Variants in PAK4 observed in about 807,000 individuals in gnomAD.
PAK4 encodes the protein p21 (RAC1) activated kinase 4, also known as serine/threonine-protein kinase PAK 4.
PAK4 carries 49 observed loss-of-function variants against 53.5 expected under a neutral mutation model. The observed-to-expected ratio is 0.92, with a 90% CI of 0.73 to 1.16. The LOEUF is 1.16. Ranked by LOEUF, PAK4 falls within the 50% of genes most tolerant of loss-of-function variation. PAK4 has a pLI of 0.00. For missense variants in PAK4, 824 were observed against 850.7 expected, an observed-to-expected ratio of 0.97 and a Z score of 0.39; for synonymous variants, 376 against 375.6, an observed-to-expected ratio of 1.00 and a Z score of -0.01.
At chr19:39,154,878 G>GTC (rs1306818092) in intron 1 of PAK4, among the ~76,000 whole-genome samples, 1 of 152,116 alleles carries the variant, frequency 6.6e-6, no homozygotes, top group Non-Finnish European at 1.5e-5. Context: ...CCCTGCTGTG[G>GTC]TCCAGAGCCT....
In PAK4 at chr19:39,137,295, A is replaced by C. The variant is rs117058772; in HGVS notation, c.-23+11376A>C. Among the ~76,000 whole-genome samples the C allele has an allele frequency of 3.9e-4, 59 of 152,244 alleles. No individual in the cohort carries two copies. The East Asian group carries it at 0.011, about 28-fold the overall frequency. On this transcript the variant is annotated intron_variant, in intron 1 of 8. Transcript: ENST00000358301. The stretch of plus-strand genomic sequence containing the variant: ...ATCTGGGGCACCCCTGCTTGGAGGC[A>C]GGAGAAGGCCTGGTGTGACCTTGGG...
chr19:39,172,098 G>T (rs961852427), intron 2 of PAK4, among the ~76,000 whole-genome samples: 13 of 152,222 alleles, frequency 8.5e-5, no homozygotes, highest in African/African-American at 3.1e-4. Context: ...GAGGCCAGCA[G>T]AAGCCTCACT....
At chr19:39,130,852 G>A (rs1197255458) in intron 1 of PAK4, among the ~76,000 whole-genome samples, 2 of 150,376 alleles carry the variant, frequency 1.3e-5, no homozygotes, top group Non-Finnish European at 3.0e-5. Flanking sequence ...CCCTTATAAA[G>A]ATTGCTCAGG....
intron 1 of PAK4, among the ~76,000 whole-genome samples, chr19:39,164,018 T>A (rs2074327731): frequency 6.6e-6 from 1 of 152,164 alleles, no homozygotes. Flanking sequence ...GGCTCACGCC[T>A]GTAATCCCAA....
rs1057487673 is a variant in PAK4, at chr19:39,173,425, C to T, written c.663+49C>T. 4.2e-6 allele frequency: 6 copies of T among 1,427,490 alleles called. No individual in the cohort carries two copies. Among genetic ancestry groups the T allele is most frequent in the East Asian group, 4.8e-5 (2 of 41,776 alleles). 88.4% of individuals were successfully genotyped at this position (1,427,490 alleles called of 1,614,324 possible). On this transcript the variant is annotated intron_variant, in intron 3 of 8. Coordinates refer to ENST00000358301, the Ensembl canonical transcript of PAK4. The surrounding 1 kb of genome is among the most constrained non-coding windows in gnomAD (Gnocchi z 6.9). ...CCCCCACTGTCCCCTGCCCGTTGCT[C>T]CTCTGTCCCCACCTTCCAGCCCCGC...
intron 1 of PAK4, among the ~76,000 whole-genome samples, chr19:39,127,751 G>A (rs938087778): frequency 6.6e-6 from 1 of 152,316 alleles, no homozygotes; most frequent in East Asian, 1.9e-4. Context: ...TGTGGCTTGC[G>A]AGGGCATCTT....
In PAK4 at chr19:39,173,492, C is replaced by A; in HGVS notation, c.664-84C>A. 7.4e-7 allele frequency: 1 copy of A among 1,356,292 alleles called. No individual in the cohort carries two copies. Among genetic ancestry groups the A allele is most frequent in the Non-Finnish European group, 1.0e-6 (1 of 996,378 alleles). 84.0% of individuals were successfully genotyped at this position (1,356,292 alleles called of 1,614,324 possible). ...TCATCCTGACCACCCATGTGTCTGT[C>A]CCATCGCTGGGTCTCTCTCCTGCTT... On this transcript the variant is annotated intron_variant, in intron 3 of 8. Coordinates refer to ENST00000358301, the Ensembl canonical transcript of PAK4. This position sits in a 1 kb window ranked among gnomAD's most constrained non-coding sequence, Gnocchi z 6.9.
chr19:39,171,102 C>G (rs976272328), intron 2 of PAK4, among the ~76,000 whole-genome samples: 7 of 152,240 alleles, frequency 4.6e-5, no homozygotes, highest in Admixed American at 4.6e-4. Flanking sequence ...CTTGAATTCA[C>G]ACATGGGGCC....
intron 1 of PAK4, among the ~76,000 whole-genome samples, chr19:39,166,541 G>A (rs989222522): frequency 3.3e-5 from 5 of 152,242 alleles, no homozygotes; most frequent in Non-Finnish European, 5.9e-5. Context: ...TGCTCACCCA[G>A]GGCCACATAT....
chr19:39,145,591 T>C (rs1432845481), intron 1 of PAK4, among the ~76,000 whole-genome samples: 2 of 152,132 alleles, frequency 1.3e-5, no homozygotes, highest in African/African-American at 4.8e-5. Flanking sequence ...TAGAGCGCCG[T>C]TGGCTTCCTA....
At chr19:39,171,595 G>A (rs550121095) in intron 2 of PAK4, among the ~76,000 whole-genome samples, 4 of 152,242 alleles carry the variant, frequency 2.6e-5, no homozygotes, top group Non-Finnish European at 5.9e-5. Flanking sequence ...AGACAGCCAC[G>A]GCCAGGAGAG....
chr19:39,180,318 G>GAA (rs112621745), downstream of PAK4: 77 of 144,220 alleles, frequency 5.3e-4, no homozygotes, highest in Admixed American at 1.2e-3. Context: ...TGCCTTTCTG[G>GAA]AAAAAAAAAA....
intron 1 of PAK4, among the ~76,000 whole-genome samples, chr19:39,151,540 A>G (rs1463316444): frequency 6.6e-6 from 1 of 152,230 alleles, no homozygotes; most frequent in Non-Finnish European, 1.5e-5. Flanking sequence ...CGCACCATTT[A>G]TAAGAGCAAA....
In PAK4 at chr19:39,164,932, G is replaced by C. The variant is rs548505242; in HGVS notation, c.-22-4600G>C. Among the ~76,000 whole-genome samples, 4 of 152,122 alleles carry C rather than the reference G, an allele frequency of 2.6e-5. No individual in the cohort carries two copies. In the South Asian group the frequency reaches 8.3e-4, roughly 32 times the overall value. On this transcript the variant is annotated intron_variant, in intron 1 of 8. Transcript: ENST00000358301. ...CCTCAGGCCACATTTGGTGGGAGGG[G>C]TTGGTTTTAAGCATCTTTCCTGCTG...
At chr19:39,140,742 C>T (rs1460435778) in intron 1 of PAK4, among the ~76,000 whole-genome samples, 1 of 152,206 alleles carries the variant, frequency 6.6e-6, no homozygotes, top group East Asian at 1.9e-4. Context: ...AGGAGTCCAG[C>T]TCCACCTGCA....
At chr19:39,167,731 CT>C (rs1468624663) in intron 1 of PAK4, among the ~76,000 whole-genome samples, 8 of 152,102 alleles carry the variant, frequency 5.3e-5, no homozygotes, top group African/African-American at 1.9e-4. Flanking sequence ...CCCTGGCTGG[CT>C]CCCATGGATG....
chr19:39,147,990 C>T (rs1475389986), intron 1 of PAK4, among the ~76,000 whole-genome samples: 1 of 141,166 alleles, frequency 7.1e-6, no homozygotes, highest in Non-Finnish European at 1.5e-5. Flanking sequence ...CTCACTCTGT[C>T]GCCCAGGCTG....
Position 39,178,937 on chromosome 19 carries a change from T to A in PAK4, c.*358T>A, listed in dbSNP as rs2074666007. Reference sequence around the variant, plus strand: ...ACACTAAGAGGTGAACATGTATGAGTGTGTGCACGCGTGTGAGTGTGCATG... The same window carrying A: ...ACACTAAGAGGTGAACATGTATGAGAGTGTGCACGCGTGTGAGTGTGCATG... On this transcript the variant is annotated 3_prime_UTR_variant, in exon 9 of 9. Coordinates refer to ENST00000358301, the Ensembl canonical transcript of PAK4. The surrounding 1 kb of genome is among the most constrained non-coding windows in gnomAD (Gnocchi z 4.4). 5 of 231,514 alleles carry A rather than the reference T, an allele frequency of 2.2e-5. No homozygotes were observed. Among genetic ancestry groups the A allele is most frequent in the South Asian group, 2.0e-4 (3 of 14,784 alleles). The allele number at this position is 231,514 out of a possible 1,614,324, so 14.3% of individuals were successfully genotyped here.
At chr19:39,169,819 C>G in intron 2 of PAK4, 62 bp downstream of exon 3, 2 of 1,207,404 alleles carry the variant, frequency 1.7e-6, no homozygotes, top group Non-Finnish European at 2.3e-6. Flanking sequence ...CCCTGGCCCT[C>G]AACCCCACAC....
Sources: allele counts gnomAD v4.1 joint callset (sites outside exome capture counted in the v4.1 genomes callset), GRCh38; gene constraint gnomAD v4.1.1; non-coding constraint Gnocchi (gnomAD v3.1); transcripts MANE v1.5; gene names NCBI Gene and HGNC (gene_info 2026-07-23, HGNC 2026-07-21).